Variants in ARHGAP23 observed in about 807,000 individuals in gnomAD.
ARHGAP23 encodes the protein Rho GTPase activating protein 23.
A neutral mutation model predicts 136.3 loss-of-function variants in ARHGAP23; 34 were observed. The ratio of observed to expected loss-of-function variants is 0.25; its 90% CI spans 0.19 to 0.33. The LOEUF (loss-of-function observed/expected upper bound fraction) is 0.33, where lower values mean the gene tolerates loss of function less well. ARHGAP23 is among the 10% of genes least tolerant of loss of function. The pLI is 1.00. For synonymous variants in ARHGAP23, 832 were observed against 920.5 expected, an observed-to-expected ratio of 0.90 and a Z score of 1.74; for missense variants, 1,808 against 2,139.0, an observed-to-expected ratio of 0.85 and a Z score of 3.05.
At chr17:38,468,784 A>G (rs2039673911) in intron 7 of ARHGAP23, among the ~76,000 whole-genome samples, 1 of 152,176 alleles carries the variant, frequency 6.6e-6, no homozygotes, top group Non-Finnish European at 1.5e-5. Flanking sequence ...CCCTGCCCTC[A>G]GGAGGCTCTT....
chr17:38,428,117 T>A (rs1479173700), upstream of ARHGAP23, among the ~76,000 whole-genome samples: 1 of 152,144 alleles, frequency 6.6e-6, no homozygotes, highest in Non-Finnish European at 1.5e-5. Flanking sequence ...CCCGTGCTAG[T>A]TCTGGGTTCG....
At chr17:38,459,405 C>T (rs1006972932) in intron 2 of ARHGAP23, among the ~76,000 whole-genome samples, 1 of 152,208 alleles carries the variant, frequency 6.6e-6, no homozygotes, top group African/African-American at 2.4e-5. Flanking sequence ...CTCTGGGGCT[C>T]CTGCATAACT....
intron 22 of ARHGAP23, among the ~76,000 whole-genome samples, chr17:38,499,455 C>T (rs1237502410): frequency 6.6e-6 from 1 of 152,214 alleles, no homozygotes; most frequent in Admixed American, 6.5e-5. Flanking sequence ...TTTACATGCT[C>T]AGAGACAGAT....
intron 11 of ARHGAP23, among the ~76,000 whole-genome samples, chr17:38,475,642 T>C (rs1363408759): frequency 6.6e-6 from 1 of 152,226 alleles, no homozygotes; most frequent in South Asian, 2.1e-4. Flanking sequence ...GAGCTCTTGG[T>C]CTGATGGGAG....
At chr17:38,462,763 A>T in intron 3 of ARHGAP23, 83 bp from the exon 4 acceptor site, 1 of 964,870 alleles carries the variant, frequency 1.0e-6, no homozygotes, top group Non-Finnish European at 1.5e-6. Flanking sequence ...TCATTCTCTG[A>T]GTGTGTGTCC....
At chr17:38,469,411 C>T (rs2039690269) in intron 8 of ARHGAP23, 112 bp downstream of exon 8, 1 of 1,461,658 alleles carries the variant, frequency 6.8e-7, no homozygotes, top group Non-Finnish European at 9.2e-7. Context: ...TTCCGCTTCT[C>T]CTGCGGCCCC....
chr17:38,453,737 T>G (rs1349575892), intron 1 of ARHGAP23: 2 of 148,110 alleles, frequency 1.4e-5, no homozygotes, highest in African/African-American at 2.5e-5. Context: ...CCAGCCGTCC[T>G]GCCGCCGTCC....
chr17:38,455,501 C>G (rs1168798283), intron 1 of ARHGAP23, among the ~76,000 whole-genome samples: 1 of 152,188 alleles, frequency 6.6e-6, no homozygotes, highest in African/African-American at 2.4e-5. Context: ...TCCCAGGGAG[C>G]AGCCCCCCCA....
At chr17:38,447,511 G>A (rs1365539068) in intron 1 of ARHGAP23, among the ~76,000 whole-genome samples, 1 of 150,248 alleles carries the variant, frequency 6.7e-6, no homozygotes, top group Non-Finnish European at 1.5e-5. Flanking sequence ...CTCTAGGAGG[G>A]CAAATCCATT....
intron 1 of ARHGAP23, among the ~76,000 whole-genome samples, chr17:38,438,126 T>C (rs548061679): frequency 2.6e-5 from 4 of 152,030 alleles, no homozygotes; most frequent in South Asian, 2.1e-4. Context: ...ATCGAGACCG[T>C]CCTGGCCAAC....
chr17:38,428,408 G>C (rs940545779), upstream of ARHGAP23: 53 of 634,046 alleles, frequency 8.4e-5, no homozygotes, highest in Non-Finnish European at 1.1e-4. Flanking sequence ...GCTCGGCCCC[G>C]CCCCCGGCCC....
intron 6 of ARHGAP23, among the ~76,000 whole-genome samples, chr17:38,465,261 G>A (rs2039561467): frequency 6.6e-6 from 1 of 152,190 alleles, no homozygotes; most frequent in Non-Finnish European, 1.5e-5. Context: ...CTCATCACAT[G>A]ATGTTTGTGC....
At position 38,510,267 on chromosome 17, in the gene ARHGAP23, C is replaced by T. The variant is rs1245396483; in HGVS notation, c.3771C>T (p.Asp1257=). ...VSGYSTLSTM[D]RSVCSGASGR... ...GCTACTCCACCCTGTCCACCATGGA[C>T]CGCAGCGTGTGCTCGGGCGCTAGCG... is the stretch of plus-strand genomic sequence containing the variant. The change falls in exon 24 of 24, where the codon GAC becomes GAT. Residue 1257 remains aspartate, a synonymous_variant. Coordinates refer to ENST00000622683, the MANE Select transcript of ARHGAP23 (RefSeq NM_001199417.2). The surrounding 1 kb of genome is among the most constrained non-coding windows in gnomAD (Gnocchi z 4.6). 6 of 1,305,666 alleles carry T rather than the reference C, an allele frequency of 4.6e-6. No homozygotes were observed. Among genetic ancestry groups the T allele is most frequent in the Non-Finnish European group, 5.8e-6 (6 of 1,028,456 alleles). The allele number at this position is 1,305,666 out of a possible 1,614,324, so 80.9% of individuals were successfully genotyped here.
At chr17:38,489,793 C>G (rs1312996053) in intron 17 of ARHGAP23, 6 of 333,368 alleles carry the variant, frequency 1.8e-5, no homozygotes, top group African/African-American at 8.3e-5. Flanking sequence ...ACCTTGGTGT[C>G]CATGTCCTGG....
At chr17:38,490,405 G>A (rs2040250008) in intron 18 of ARHGAP23, 57 bp from the exon 19 acceptor site, 2 of 1,357,692 alleles carry the variant, frequency 1.5e-6, no homozygotes, top group African/African-American at 2.9e-5. Flanking sequence ...GGTGATGACG[G>A]GGGACAGGGG....
rs900273731 is a variant in ARHGAP23 at position 38,510,516 on chromosome 17, C to T, written c.4020C>T (p.Ala1340=). ...GEGAGRGGPR[A]PEPPGSASSS... The stretch of plus-strand genomic sequence containing the variant: ...GCGCGGGCCGGGGCGGTCCCCGCGC[C>T]CCGGAGCCGCCCGGCTCGGCGTCGT... The change falls in exon 24 of 24, where the codon GCC becomes GCT. Residue 1340 remains alanine (A), a synonymous_variant. Coordinates refer to ENST00000622683, the MANE Select transcript of ARHGAP23 (RefSeq NM_001199417.2). The surrounding 1 kb of genome is among the most constrained non-coding windows in gnomAD (Gnocchi z 4.6). The T allele has an allele frequency of 1.8e-6, 2 of 1,133,644 alleles. No homozygotes were observed. Among genetic ancestry groups the T allele is most frequent in the African/African-American group, 1.7e-5 (1 of 60,344 alleles). 70.2% of individuals were successfully genotyped at this position (1,133,644 alleles called of 1,614,324 possible).
Position 38,510,516 on chromosome 17 carries a change from C to A in ARHGAP23, c.4020C>A (p.Ala1340=). The change falls in exon 24 of 24, where the codon GCC becomes GCA. Residue 1340 remains alanine (A), a synonymous_variant. Transcript: ENST00000622683. This position sits in a 1 kb window ranked among gnomAD's most constrained non-coding sequence, Gnocchi z 4.6. ...GEGAGRGGPR[A]PEPPGSASSS... ...GCGCGGGCCGGGGCGGTCCCCGCGC[C>A]CCGGAGCCGCCCGGCTCGGCGTCGT... 1 of 1,133,762 alleles carries A rather than the reference C, an allele frequency of 8.8e-7. No individual in the cohort carries two copies. Among genetic ancestry groups the A allele is most frequent in the Non-Finnish European group, 1.1e-6 (1 of 927,410 alleles). 70.2% of individuals were successfully genotyped at this position (1,133,762 alleles called of 1,614,324 possible). A position where few individuals can be genotyped will look rare whatever the true frequency, so the allele number is the denominator to read the frequency against.
At position 38,428,478 on chromosome 17, in the gene ARHGAP23, G is replaced by A. The variant is rs1179871459; in HGVS notation, c.-8G>A. 1 of 1,439,946 alleles carries A rather than the reference G, an allele frequency of 6.9e-7. No individual in the cohort carries two copies. Among genetic ancestry groups the A allele is most frequent in the Non-Finnish European group, 9.1e-7 (1 of 1,097,894 alleles). The allele number at this position is 1,439,946 out of a possible 1,614,324, so 89.2% of individuals were successfully genotyped here. A position where few individuals can be genotyped will look rare whatever the true frequency, so the allele number is the denominator to read the frequency against. On this transcript the variant is annotated 5_prime_UTR_variant, in exon 1 of 24. Coordinates refer to ENST00000622683, the MANE Select transcript of ARHGAP23 (RefSeq NM_001199417.2). ...GTGCCCCGGCCGCAGAGCCGCCGCT[G>A]CCACCCGATGAATGGAGTCGCCTTC...
Position 38,498,549 on chromosome 17 carries a change from G to A in ARHGAP23, c.3415+39G>A, listed in dbSNP as rs779078655. On this transcript the variant is annotated intron_variant, in intron 22 of 23. Transcript: ENST00000622683. ...CCTGGGAGTGGGGAGGCGGGAGGTTGGACACTGCATTCCTGAGGGTCCCAG... is the reference window on the plus strand; with the variant it reads ...CCTGGGAGTGGGGAGGCGGGAGGTTAGACACTGCATTCCTGAGGGTCCCAG... 6.8e-6 allele frequency: 10 copies of A among 1,460,684 alleles called. No individual in the cohort carries two copies. In the African/African-American group the frequency reaches 1.1e-4, roughly 17 times the overall value. 90.5% of individuals were successfully genotyped at this position (1,460,684 alleles called of 1,614,324 possible).
Sources: allele counts gnomAD v4.1 joint callset (sites outside exome capture counted in the v4.1 genomes callset), GRCh38; gene constraint gnomAD v4.1.1; non-coding constraint Gnocchi (gnomAD v3.1); transcripts MANE v1.5; gene names NCBI Gene and HGNC (gene_info 2026-07-23, HGNC 2026-07-21).